C2CD5: variants seen among roughly 807,000 people sequenced by gnomAD.
The protein encoded by C2CD5 is C2 calcium dependent domain containing 5.
C2CD5 carries 109 observed loss-of-function variants against 130.3 expected under a neutral mutation model. The observed-to-expected ratio is 0.84, with a 90% CI of 0.72 to 0.98. The LOEUF (loss-of-function observed/expected upper bound fraction) is 0.98. Among genes scored for constraint, C2CD5 ranks in the 50% least tolerant of loss-of-function variants. The pLI, the probability that C2CD5 is intolerant of heterozygous loss-of-function variation, is 0.00. For missense variants in C2CD5, 996 were observed against 1,261.8 expected (o/e 0.79, Z 3.19); for synonymous variants, 454 against 429.2 (o/e 1.06, Z -0.71).
intron 2 of C2CD5, among the ~76,000 whole-genome samples, chr12:22,542,269 G>T (rs1355675715): frequency 1.3e-5 from 2 of 152,246 alleles, no homozygotes; most frequent in Non-Finnish European, 2.9e-5. Flanking sequence ...CAGGCGTGGT[G>T]GCTCAGGCCC....
intron 7 of C2CD5, among the ~76,000 whole-genome samples, chr12:22,518,511 T>C (rs1023911812): frequency 9.2e-5 from 14 of 152,328 alleles, no homozygotes; most frequent in African/African-American, 3.1e-4. Context: ...ATATTCATAA[T>C]TGTTTTTATA....
intron 15 of C2CD5, 75 bp downstream of exon 15, chr12:22,478,238 C>T: frequency 8.0e-7 from 1 of 1,246,628 alleles, no homozygotes; most frequent in Non-Finnish European, 1.2e-6. Flanking sequence ...AATCTTGTGT[C>T]CTCAATAAGA....
At chr12:22,521,273 T>C (rs565575009) in intron 7 of C2CD5, among the ~76,000 whole-genome samples, 6 of 152,288 alleles carry the variant, frequency 3.9e-5, no homozygotes, top group African/African-American at 1.4e-4. Flanking sequence ...AAAAATAACT[T>C]GACTTAATTA....
chr12:22,528,725 T>C (rs1251260368), intron 3 of C2CD5, among the ~76,000 whole-genome samples: 1 of 152,214 alleles, frequency 6.6e-6, no homozygotes, highest in Non-Finnish European at 1.5e-5. Context: ...CTATTAAGAC[T>C]GAGTCTGTGG....
chr12:22,471,518 C>T (rs1225653310), intron 19 of C2CD5, 30 bp from the exon 20 acceptor site: 2 of 1,263,806 alleles, frequency 1.6e-6, no homozygotes, highest in South Asian at 1.5e-5. Flanking sequence ...AGTAATGTCA[C>T]TTTTTTATTT....
intron 10 of C2CD5, among the ~76,000 whole-genome samples, chr12:22,500,844 T>C (rs888561005): frequency 6.6e-6 from 1 of 152,186 alleles, no homozygotes; most frequent in Non-Finnish European, 1.5e-5. Flanking sequence ...AGTCTGTTAT[T>C]AAAATGATAA....
chr12:22,533,041 C>T (rs764642657), intron 3 of C2CD5, among the ~76,000 whole-genome samples: 14 of 151,862 alleles, frequency 9.2e-5, no homozygotes, highest in South Asian at 2.1e-4. Flanking sequence ...AAATATTTAC[C>T]GAGAGTCTAT....
intron 25 of C2CD5, among the ~76,000 whole-genome samples, chr12:22,455,505 C>T (rs534336118): frequency 1.3e-5 from 2 of 152,148 alleles, no homozygotes; most frequent in African/African-American, 4.8e-5. Flanking sequence ...CCATGTGCTA[C>T]CAAGAGCAAG....
chr12:22,490,930 C>T (rs1946264796), intron 11 of C2CD5, among the ~76,000 whole-genome samples: 1 of 152,080 alleles, frequency 6.6e-6, no homozygotes, highest in African/African-American at 2.4e-5. Flanking sequence ...TAAAATAAAA[C>T]AGAAGCCTAA....
intron 10 of C2CD5, among the ~76,000 whole-genome samples, chr12:22,503,571 C>T (rs146395694): frequency 6.6e-5 from 10 of 152,172 alleles, no homozygotes; most frequent in African/African-American, 2.2e-4. Context: ...AGTGCAGTGG[C>T]ATGATCTCGG....
chr12:22,477,197 T>A (rs558717055), intron 15 of C2CD5: 1 of 152,242 alleles, frequency 6.6e-6, no homozygotes, highest in East Asian at 1.9e-4. Flanking sequence ...AATACAAAAA[T>A]ATTCATATTT....
intron 26 of C2CD5, among the ~76,000 whole-genome samples, chr12:22,451,202 C>T (rs1403222441): frequency 3.3e-5 from 5 of 151,840 alleles, no homozygotes; most frequent in Non-Finnish European, 5.9e-5. Context: ...GAATCATGTA[C>T]TACCTATTCA....
intron 19 of C2CD5, 37 bp from the exon 20 acceptor site, chr12:22,471,525 A>G: frequency 8.1e-7 from 1 of 1,235,308 alleles, no homozygotes; most frequent in Non-Finnish European, 1.1e-6. Flanking sequence ...TCACTTTTTT[A>G]TTTAAAAATT....
chr12:22,515,111 C>T (rs987480828), intron 8 of C2CD5: 2 of 985,044 alleles, frequency 2.0e-6, no homozygotes, highest in African/African-American at 3.5e-5. Context: ...AGAGGGGGAG[C>T]TGGGACACAG....
chr12:22,505,922 CATGCTGGATTCCACCA>C (rs770332645), intron 10 of C2CD5, among the ~76,000 whole-genome samples: 20 of 143,790 alleles, frequency 1.4e-4, no homozygotes, highest in Non-Finnish European at 2.9e-4. Flanking sequence ...CTTTGTTGCC[CATGCTGGATTCCACCA>C]ATGACAGAGT....
intron 10 of C2CD5, among the ~76,000 whole-genome samples, chr12:22,505,900 C>T (rs184321417): frequency 2.9e-4 from 42 of 146,556 alleles, no homozygotes; most frequent in Middle Eastern, 3.6e-3. Context: ...CTCTAGACAA[C>T]GCCTACAATT....
At chr12:22,528,603 A>C (rs1457323854) in intron 3 of C2CD5, among the ~76,000 whole-genome samples, 1 of 152,162 alleles carries the variant, frequency 6.6e-6, no homozygotes, top group African/African-American at 2.4e-5. Flanking sequence ...CATATTATAG[A>C]CACTATTAAG....
chr12:22,517,303 A>C (rs528652574), intron 8 of C2CD5, among the ~76,000 whole-genome samples: 148 of 147,958 alleles, frequency 1.0e-3, no homozygotes, highest in Non-Finnish European at 1.6e-3. Flanking sequence ...AAACAATAAT[A>C]ATTTAATGAT....
chr12:22,515,037 G>A, intron 8 of C2CD5: 1 of 985,268 alleles, frequency 1.0e-6, no homozygotes, highest in Non-Finnish European at 1.2e-6. Context: ...GAATGATGAG[G>A]GGTAAGGCTA....
Sources: gnomAD v4.1 joint callset for allele counts (sites outside exome capture counted in the v4.1 genomes callset) on GRCh38, gnomAD v4.1.1 for gene constraint, MANE v1.5 for transcripts, NCBI Gene and HGNC (gene_info 2026-07-23, HGNC 2026-07-21) for gene names.